ASTN1: variants seen among roughly 807,000 people sequenced by gnomAD.
ASTN1 encodes astrotactin-1.
A neutral mutation model predicts 140.7 loss-of-function variants in ASTN1; 41 were observed. The observed-to-expected ratio is 0.29, with a 90% CI of 0.23 to 0.38. The LOEUF is 0.38. Ranked by LOEUF, ASTN1 falls within the 10% of genes least tolerant of loss-of-function variation. ASTN1 has a pLI of 1.00. For synonymous variants in ASTN1, 640 were observed against 652.2 expected (o/e 0.98, Z 0.29); for missense variants, 1,479 against 1,678.8 (o/e 0.88, Z 2.08).
intron 1 of ASTN1, among the ~76,000 whole-genome samples, chr1:177,093,502 C>A (rs1571772780): frequency 6.6e-6 from 1 of 152,176 alleles, no homozygotes; most frequent in African/African-American, 2.4e-5. Context: ...CTAGGGCACC[C>A]ATACTTACTT....
rs79889700 is a variant in ASTN1 at position 177,078,411 on chromosome 1, C to G, written c.284-17146G>C. On this transcript the variant is annotated intron_variant, in intron 1 of 22. Coordinates refer to ENST00000361833, the MANE Select transcript of ASTN1 (RefSeq NM_004319.3). ...GTGCTCACCCACTGAGATGTGAACA[C>G]CCTTTGGGAGATCTGGAATGCTCAG... 4.6e-3 allele frequency among the ~76,000 whole-genome samples: 701 copies of G among 152,228 alleles called. 4 individuals carry two copies. The highest frequency in any genetic ancestry group is 0.016 in the African/African-American group (678 of 41,540).
intron 16 of ASTN1, among the ~76,000 whole-genome samples, chr1:176,919,634 C>A (rs1003811802): frequency 4.6e-5 from 7 of 152,190 alleles, no homozygotes; most frequent in Admixed American, 4.6e-4. Flanking sequence ...AGAGTCCCTG[C>A]TCTCTAAGGG....
chr1:177,055,321 C>T (rs867651962), intron 2 of ASTN1, among the ~76,000 whole-genome samples: 7 of 152,232 alleles, frequency 4.6e-5, no homozygotes, highest in Admixed American at 6.5e-5. Flanking sequence ...CTATGCCCGA[C>T]GCATCTTGAC....
chr1:176,976,633 T>C (rs1370764904), intron 8 of ASTN1: 1 of 152,258 alleles, frequency 6.6e-6, no homozygotes, highest in African/African-American at 2.4e-5. Context: ...ATTTGACCTT[T>C]CCAAGCTTCA....
Position 177,029,651 on chromosome 1 carries a change from C to T in ASTN1, c.1103G>A (p.Ser368Asn), listed in dbSNP as rs150963582. ...QLTFYTDPSR[S>N]RRRSRVGSPR... ...ATTCCTACCTCTACTACGCCTCCTG[C>T]TCCTTGAAGGATCCGTGTAAAAGGT... Residue 368 changes from serine (S) to asparagine (N), a missense_variant, in exon 5 of 23, where the codon AGC becomes AAC. Physicochemically the swap from Ser to Asn is conservative, Grantham distance 46. This residue lies in a region of ASTN1 where 729 missense variants were observed against 860.4 expected (regional missense o/e 0.85). Coordinates refer to ENST00000361833, the MANE Select transcript of ASTN1 (RefSeq NM_004319.3). 293 of 1,613,742 alleles carry T rather than the reference C, an allele frequency of 1.8e-4. 2 individuals are homozygous for T. The highest frequency in any genetic ancestry group is 5.7e-4 in the Admixed American group (34 of 59,984).
chr1:177,054,829 C>A (rs927691199), intron 2 of ASTN1, among the ~76,000 whole-genome samples: 4 of 152,042 alleles, frequency 2.6e-5, no homozygotes, highest in Non-Finnish European at 5.9e-5. Context: ...ATAGACTAGA[C>A]AAAGAAGCTA....
intron 5 of ASTN1, 90 bp downstream of exon 5, chr1:177,029,544 C>A: frequency 7.5e-7 from 1 of 1,334,894 alleles, no homozygotes; most frequent in South Asian, 1.2e-5. Flanking sequence ...TTCCATAGAG[C>A]CCACAACCCA....
chr1:176,862,315 T>C lies in ASTN1; in HGVS notation c.*1969A>G, dbSNP rs1432917295. The C allele has an allele frequency of 1.0e-6, 1 of 985,314 alleles. No homozygotes were observed. The highest frequency in any genetic ancestry group is 1.2e-6 in the Non-Finnish European group (1 of 829,974). The allele number at this position is 985,314 out of a possible 1,614,324, so 61.0% of individuals were successfully genotyped here. A position where few individuals can be genotyped will look rare whatever the true frequency, so the allele number is the denominator to read the frequency against. On this transcript the variant is annotated 3_prime_UTR_variant, in exon 23 of 23. Transcript: ENST00000361833. ...AGGAGAGTGAAACCACCCTGTGCTT[T>C]ATCTCAGCCTCATCACAGGCTTCCT...
downstream of ASTN1, among the ~76,000 whole-genome samples, chr1:176,858,414 A>G (rs1667873856): frequency 6.6e-6 from 1 of 152,222 alleles, no homozygotes; most frequent in Admixed American, 6.5e-5. Context: ...GCATTAGGTT[A>G]TCAAAACATA....
chr1:177,012,839 G>A (rs1360369186), intron 8 of ASTN1, among the ~76,000 whole-genome samples: 1 of 152,194 alleles, frequency 6.6e-6, no homozygotes, highest in African/African-American at 2.4e-5. Context: ...GGGCAGAAGT[G>A]AAATATTTTG....
intron 1 of ASTN1, among the ~76,000 whole-genome samples, chr1:177,158,238 T>G (rs1558137831): frequency 6.6e-6 from 1 of 152,240 alleles, no homozygotes; most frequent in East Asian, 1.9e-4. Context: ...GTACAAATAC[T>G]TTGGGTTTTT....
In ASTN1 at chr1:176,894,678, A is replaced by T. The variant is rs948124986; in HGVS notation, c.2824T>A (p.Ser942Thr). ...GATGTCACATGACACAGGGGGCAGG[A>T]CGAGGGGCATCGTCCCTTGCTGTGG... ...ECHSKGRCPS[S>T]CPLCHVTSSP... Residue 942 changes from serine (S) to threonine (T), a missense_variant, in exon 17 of 23, where the codon TCC (serine) becomes ACC (threonine). By Grantham distance (58) the Ser-to-Thr change is moderately conservative (BLOSUM62 1). Coordinates refer to ENST00000361833, the MANE Select transcript of ASTN1 (RefSeq NM_004319.3). 1.2e-6 allele frequency: 2 copies of T among 1,614,128 alleles called. No individual in the cohort carries two copies. Among genetic ancestry groups the T allele is most frequent in the Non-Finnish European group, 1.7e-6 (2 of 1,180,026 alleles).
chr1:177,021,739 C>G (rs1357549766), intron 7 of ASTN1, among the ~76,000 whole-genome samples: 2 of 152,180 alleles, frequency 1.3e-5, no homozygotes, highest in Non-Finnish European at 2.9e-5. Context: ...GTAGGAGCAT[C>G]CAAAGCTCCC....
chr1:176,908,771 C>T (rs1002876937), intron 16 of ASTN1, among the ~76,000 whole-genome samples: 12 of 152,114 alleles, frequency 7.9e-5, no homozygotes, highest in Admixed American at 7.2e-4. Flanking sequence ...CCATTTTATC[C>T]TTATCACCTA....
chr1:177,029,084 C>T (rs895104696), intron 5 of ASTN1, among the ~76,000 whole-genome samples: 49 of 152,118 alleles, frequency 3.2e-4, no homozygotes, highest in African/African-American at 1.2e-3. Context: ...GGATTAGCCA[C>T]CTTAACCCTG....
chr1:177,058,723 A>C (rs1310947967), intron 2 of ASTN1, among the ~76,000 whole-genome samples: 1 of 152,174 alleles, frequency 6.6e-6, no homozygotes, highest in Non-Finnish European at 1.5e-5. Flanking sequence ...TTTGGGGAAC[A>C]GATGGTGTTT....
In ASTN1 at chr1:177,158,977, G is replaced by A. The variant is rs570891525; in HGVS notation, c.283+5417C>T. Among the ~76,000 whole-genome samples the A allele has an allele frequency of 3.7e-4, 54 of 144,668 alleles. No homozygotes were observed. In the South Asian group the frequency reaches 6.8e-3, roughly 18 times the overall value. The allele number at this position is 144,668 out of a possible 152,430, so 94.9% of individuals were successfully genotyped here. On this transcript the variant is annotated intron_variant, in intron 1 of 22. Transcript: ENST00000361833. ...AGCTACTCAGGAGGATGAGGCAGGAGAATTCCTTGAATCTGAGAGGTGGAG... is the reference window on the plus strand; with the variant it reads ...AGCTACTCAGGAGGATGAGGCAGGAAAATTCCTTGAATCTGAGAGGTGGAG...
intron 1 of ASTN1, among the ~76,000 whole-genome samples, chr1:177,073,613 A>T (rs1028562092): frequency 1.4e-5 from 2 of 147,968 alleles, no homozygotes; most frequent in African/African-American, 5.0e-5. Flanking sequence ...ACCTTCATAG[A>T]ACCACACCTA....
chr1:177,131,781 C>T (rs973494284), intron 1 of ASTN1, among the ~76,000 whole-genome samples: 10 of 152,172 alleles, frequency 6.6e-5, no homozygotes, highest in African/African-American at 2.4e-4. Context: ...CAGGACCGGA[C>T]ATCTGCATCT....
Sources: allele counts gnomAD v4.1 joint callset (sites outside exome capture counted in the v4.1 genomes callset), GRCh38; gene constraint gnomAD v4.1.1; regional missense constraint gnomAD v4.1.1; transcripts MANE v1.5; gene names NCBI Gene and HGNC (gene_info 2026-07-23, HGNC 2026-07-21).